Variants in WDR27 observed in about 807,000 individuals in gnomAD.
The protein encoded by WDR27 is WD repeat domain 27, also known as WD repeat-containing protein 27.
In WDR27, 100 loss-of-function variants were observed where a neutral mutation model predicts 114.4. The observed-to-expected ratio is 0.87, with a 90% CI of 0.74 to 1.03. The LOEUF (loss-of-function observed/expected upper bound fraction) is 1.03. Among genes scored for constraint, WDR27 ranks in the 50% least tolerant of loss-of-function variants. The pLI, the probability that WDR27 is intolerant of heterozygous loss-of-function variation, is 0.00. For missense variants in WDR27, 1,129 were observed against 1,092.9 expected, an observed-to-expected ratio of 1.03 and a Z score of -0.47; for synonymous variants, 449 against 423.1, an observed-to-expected ratio of 1.06 and a Z score of -0.75.
rs758030868 is a variant in WDR27 at position 169,503,432 on chromosome 6, TG to T, written c.2646-45799del. Among the ~76,000 whole-genome samples the T allele has an allele frequency of 2.0e-5, 3 of 152,206 alleles. No individual in the cohort carries two copies. In the East Asian group the frequency reaches 5.8e-4, roughly 29 times the overall value. On this transcript the variant is annotated intron_variant, in intron 25 of 25. Transcript: ENST00000448612. ...TGGCCTTTGCTAATTTAACAACAGA[TG>T]ACCTATCCCTCACCCGTACAATGTG... is the stretch of plus-strand genomic sequence containing the variant.
At chr6:169,583,832 C>A (rs1804043610) in intron 23 of WDR27, among the ~76,000 whole-genome samples, 2 of 152,020 alleles carry the variant, frequency 1.3e-5, no homozygotes, top group African/African-American at 2.4e-5. Context: ...GGATCCATGC[C>A]TACAGATATG....
the WDR27 span, among the ~76,000 whole-genome samples, chr6:169,449,202 A>G: frequency 6.6e-6 from 1 of 152,210 alleles, no homozygotes; most frequent in African/African-American, 2.4e-5. Context: ...TATGCCCTCT[A>G]AATGGATTAC....
chr6:169,581,508 C>T (rs987073064), intron 24 of WDR27, among the ~76,000 whole-genome samples: 2 of 152,218 alleles, frequency 1.3e-5, no homozygotes, highest in Non-Finnish European at 2.9e-5. Context: ...AGGTCCGTTA[C>T]AGTGTATATG....
chr6:169,562,215 G>A (rs1348991477), intron 25 of WDR27, among the ~76,000 whole-genome samples: 1 of 152,170 alleles, frequency 6.6e-6, no homozygotes, highest in East Asian at 1.9e-4. Context: ...CTCGGGTACT[G>A]CGCCGCCAAC....
At chr6:169,639,041 T>C (rs1261968914) in intron 17 of WDR27, among the ~76,000 whole-genome samples, 1 of 151,482 alleles carries the variant, frequency 6.6e-6, no homozygotes, top group Non-Finnish European at 1.5e-5. Context: ...TACTGCGTGG[T>C]GCTGGGTACT....
At chr6:169,444,020 C>T in the WDR27 span, among the ~76,000 whole-genome samples, 2 of 152,176 alleles carry the variant, frequency 1.3e-5, no homozygotes, top group East Asian at 1.9e-4. Flanking sequence ...TTGCAGTCAA[C>T]GTGCTCAGAT....
At chr6:169,683,491 G>A (rs1012144126) in intron 2 of WDR27, among the ~76,000 whole-genome samples, 9 of 151,908 alleles carry the variant, frequency 5.9e-5, no homozygotes, top group South Asian at 2.1e-4. Flanking sequence ...TCAGCAAGAC[G>A]GCTGACTAGA....
intron 25 of WDR27, among the ~76,000 whole-genome samples, chr6:169,504,862 G>A (rs1240649504): frequency 1.3e-5 from 2 of 152,092 alleles, no homozygotes; most frequent in African/African-American, 4.8e-5. Context: ...GCCTCCCAAG[G>A]TGCTGTGATT....
intron 24 of WDR27, among the ~76,000 whole-genome samples, chr6:169,582,502 C>CCATGTAACCATATTTGTCTA (rs1422944266): frequency 6.6e-6 from 1 of 152,010 alleles, no homozygotes; most frequent in Non-Finnish European, 1.5e-5. Flanking sequence ...TGTTAGTGCC[C>CCATGTAACCATATTTGTCTA]CATGTAACCG....
chr6:169,481,449 G>C (rs564981778), intron 25 of WDR27, among the ~76,000 whole-genome samples: 11 of 152,180 alleles, frequency 7.2e-5, no homozygotes, highest in Non-Finnish European at 1.5e-4. Flanking sequence ...CAACCTGCTC[G>C]GGTTCCCTTC....
intron 25 of WDR27, among the ~76,000 whole-genome samples, chr6:169,553,223 G>T (rs1798438199): frequency 6.6e-6 from 1 of 152,082 alleles, no homozygotes; most frequent in South Asian, 2.1e-4. Flanking sequence ...AGTCCTGGCT[G>T]TCCCGATGTG....
chr6:169,541,035 G>T (rs1330356657), intron 25 of WDR27, among the ~76,000 whole-genome samples: 2 of 151,608 alleles, frequency 1.3e-5, no homozygotes, highest in South Asian at 2.1e-4. Flanking sequence ...TTTTCTATCT[G>T]AAATAAGCCT....
At chr6:169,449,490 C>G in the WDR27 span, among the ~76,000 whole-genome samples, 1 of 152,084 alleles carries the variant, frequency 6.6e-6, no homozygotes, top group African/African-American at 2.4e-5. Flanking sequence ...GGGAACACGT[C>G]GACCCTAGGC....
chr6:169,473,264 T>A (rs1431210772), intron 25 of WDR27, among the ~76,000 whole-genome samples: 1 of 152,176 alleles, frequency 6.6e-6, no homozygotes, highest in African/African-American at 2.4e-5. Flanking sequence ...CAGCTCTCTG[T>A]CCACATCAGC....
intron 21 of WDR27, among the ~76,000 whole-genome samples, chr6:169,621,287 T>C (rs914325593): frequency 2.7e-5 from 4 of 147,660 alleles, no homozygotes; most frequent in African/African-American, 5.1e-5. Flanking sequence ...CACACACACA[T>C]GCACGCACGC....
intron 25 of WDR27, among the ~76,000 whole-genome samples, chr6:169,472,385 T>A (rs1170752896): frequency 6.6e-6 from 1 of 152,198 alleles, no homozygotes; most frequent in Non-Finnish European, 1.5e-5. Context: ...ATAGTTTCTG[T>A]GCAGTGATTA....
chr6:169,700,456 C>T (rs1787609164), intron 1 of WDR27, among the ~76,000 whole-genome samples: 1 of 152,216 alleles, frequency 6.6e-6, no homozygotes, highest in South Asian at 2.1e-4. Context: ...AACTACACTC[C>T]CTAGCTTCCC....
intron 25 of WDR27, among the ~76,000 whole-genome samples, chr6:169,551,900 G>A (rs866128773): frequency 2.6e-5 from 4 of 152,140 alleles, no homozygotes; most frequent in Non-Finnish European, 5.9e-5. Context: ...ACACTTACAT[G>A]AATGCCTGCG....
the WDR27 span, among the ~76,000 whole-genome samples, chr6:169,430,878 G>C: frequency 6.6e-6 from 1 of 152,110 alleles, no homozygotes; most frequent in Non-Finnish European, 1.5e-5. Flanking sequence ...ATACATAGGC[G>C]GCCCCTCTCA....
Sources: gnomAD v4.1 joint callset for allele counts (sites outside exome capture counted in the v4.1 genomes callset) on GRCh38, gnomAD v4.1.1 for gene constraint, MANE v1.5 for transcripts, NCBI Gene and HGNC (gene_info 2026-07-23, HGNC 2026-07-21) for gene names.